MICAL3: variants seen among roughly 807,000 people sequenced by gnomAD.
The protein encoded by MICAL3 is microtubule associated monooxygenase, calponin and LIM domain containing 3, also known as [F-actin]-monooxygenase MICAL3.
MICAL3 carries 62 observed loss-of-function variants against 207.4 expected under a neutral mutation model. That is an observed-to-expected ratio of 0.30 (90% confidence interval 0.24 to 0.37). The LOEUF is 0.37. Ranked by LOEUF, MICAL3 falls within the 10% of genes least tolerant of loss-of-function variation. The pLI is 1.00. For synonymous variants in MICAL3, 1,077 were observed against 1,069.3 expected (o/e 1.01, Z -0.14); for missense variants, 2,368 against 2,635.6 (o/e 0.90, Z 2.22).
At chr22:17,861,299 G>T in intron 19 of MICAL3, 1 of 984,310 alleles carries the variant, frequency 1.0e-6, no homozygotes, top group Non-Finnish European at 1.2e-6. Flanking sequence ...ATCGGGCAAG[G>T]AATGTCTGGG....
intron 19 of MICAL3, among the ~76,000 whole-genome samples, chr22:17,851,946 C>T (rs1925383464): frequency 6.6e-6 from 1 of 152,168 alleles, no homozygotes; most frequent in African/African-American, 2.4e-5. Context: ...GGACATGGGT[C>T]AGCACGAGCA....
At chr22:17,960,750 CA>C (rs1335322121) in intron 1 of MICAL3, among the ~76,000 whole-genome samples, 2 of 152,058 alleles carry the variant, frequency 1.3e-5, no homozygotes, top group South Asian at 4.1e-4. Context: ...AGATTTGACC[CA>C]GGGGGGCCCG....
At chr22:17,915,082 G>A (rs1932395974) in intron 1 of MICAL3, among the ~76,000 whole-genome samples, 1 of 148,760 alleles carries the variant, frequency 6.7e-6, no homozygotes, top group African/African-American at 2.5e-5. Flanking sequence ...GAGGATGTGG[G>A]AAAACACAAC....
intron 17 of MICAL3, among the ~76,000 whole-genome samples, chr22:17,871,481 T>A (rs550289402): frequency 6.6e-6 from 1 of 152,230 alleles, no homozygotes; most frequent in African/African-American, 2.4e-5. Flanking sequence ...AATATGTGAC[T>A]TCTATGGATG....
Position 17,818,292 on chromosome 22 carries a change from A to AG in MICAL3, c.4368dup (p.Ser1457LeufsTer68). On this transcript the variant is annotated frameshift_variant, in exon 26 of 32. Coordinates refer to ENST00000441493, the MANE Select transcript of MICAL3 (RefSeq NM_015241.3). LOFTEE classifies it high-confidence loss of function. The stretch of plus-strand genomic sequence containing the variant: ...GGGGGTGGCGGTGGGGGCGGGCTGG[A>AG]GGGGGGCGTGAGCATGGCGGAGTCC... 2.2e-6 allele frequency: 1 copy of AG among 456,060 alleles called. No individual in the cohort carries two copies. The highest frequency in any genetic ancestry group is 3.6e-5 in the South Asian group (1 of 27,572). 28.3% of individuals were successfully genotyped at this position (456,060 alleles called of 1,614,324 possible).
At chr22:17,834,913 G>A (rs2146051422) in intron 20 of MICAL3, among the ~76,000 whole-genome samples, 1 of 152,308 alleles carries the variant, frequency 6.6e-6, no homozygotes, top group East Asian at 1.9e-4. Flanking sequence ...AATCTTCGCT[G>A]GGCCAAGGGA....
At chr22:17,873,765 C>A (rs746574540) in intron 16 of MICAL3, among the ~76,000 whole-genome samples, 23 of 152,388 alleles carry the variant, frequency 1.5e-4, no homozygotes, top group Non-Finnish European at 1.6e-4. Context: ...CTGCTCACAC[C>A]TAAGCTGGGT....
At chr22:17,950,566 A>G (rs947830062) in intron 1 of MICAL3, among the ~76,000 whole-genome samples, 3 of 151,670 alleles carry the variant, frequency 2.0e-5, no homozygotes, top group Admixed American at 2.0e-4. Flanking sequence ...TGAACTCCTG[A>G]CCTCAAGTGA....
chr22:17,927,860 T>C (rs1413802504), intron 1 of MICAL3, among the ~76,000 whole-genome samples: 1 of 152,018 alleles, frequency 6.6e-6, no homozygotes, highest in African/African-American at 2.4e-5. Context: ...TTACCTCTGT[T>C]CTCCAAGCAC....
intron 1 of MICAL3, among the ~76,000 whole-genome samples, chr22:17,969,742 T>C (rs1935316628): frequency 6.6e-6 from 1 of 152,246 alleles, no homozygotes; most frequent in Non-Finnish European, 1.5e-5. Flanking sequence ...CAGCCGATGC[T>C]GCTAGCCAGA....
At position 17,895,347 on chromosome 22, in the gene MICAL3, C is replaced by T. The variant is rs149256637; in HGVS notation, c.1386G>A (p.Gln462=). The T allele has an allele frequency of 1.0e-3, 1,641 of 1,613,786 alleles. 36 individuals carry two copies. The Admixed American group carries it at 0.026, about 25-fold the overall frequency. Residue 462 remains glutamine (Q), a synonymous_variant, in exon 10 of 32, where the codon CAG becomes CAA. Coordinates refer to ENST00000441493, the MANE Select transcript of MICAL3 (RefSeq NM_015241.3). ...ACCGAGTGACAGGGTCGATACTGTA[C>T]TGGCTGAAGTTCTTACTCACATTCT... ...TPENVSKNFS[Q]YSIDPVTRYP... is the part of the protein sequence containing the mutation.
chr22:17,825,484 G>GC (rs11483660), intron 22 of MICAL3, among the ~76,000 whole-genome samples: 23,699 of 151,958 alleles, frequency 0.16, 3,064 homozygotes, highest in African/African-American at 0.36. Flanking sequence ...TTGCCCCACC[G>GC]CCCTAGGGAC....
intron 9 of MICAL3, among the ~76,000 whole-genome samples, chr22:17,895,946 A>G (rs909362411): frequency 3.3e-5 from 5 of 152,194 alleles, no homozygotes; most frequent in Non-Finnish European, 7.3e-5. Context: ...TAGGGGTTTG[A>G]GAAACACTTA....
At chr22:17,812,256 C>G (rs146157337) in intron 27 of MICAL3, among the ~76,000 whole-genome samples, 1 of 152,250 alleles carries the variant, frequency 6.6e-6, no homozygotes, top group Non-Finnish European at 1.5e-5. Context: ...CCCACAGCGG[C>G]AGCTGTGTCC....
At chr22:17,803,996 A>G in intron 29 of MICAL3, 1 of 253,034 alleles carries the variant, frequency 4.0e-6, no homozygotes, top group Non-Finnish European at 6.2e-6. Context: ...GAGGCGGCAG[A>G]GGAACGGCTG....
chr22:17,985,339 A>C (rs12169946), intron 1 of MICAL3, among the ~76,000 whole-genome samples: 46 of 151,858 alleles, frequency 3.0e-4, no homozygotes, highest in African/African-American at 1.1e-3. Flanking sequence ...GACTTCCAAC[A>C]TGAACCGTGA....
chr22:17,859,407 T>C (rs926255726), intron 19 of MICAL3, among the ~76,000 whole-genome samples: 1 of 152,216 alleles, frequency 6.6e-6, no homozygotes, highest in African/African-American at 2.4e-5. Flanking sequence ...TGCCCTCTCT[T>C]GGGCCAATTC....
chr22:17,937,102 C>T lies in MICAL3; in HGVS notation c.-74-30216G>A, dbSNP rs545962364. Among the ~76,000 whole-genome samples, 16 of 152,322 alleles carry T rather than the reference C, an allele frequency of 1.1e-4. No homozygotes were observed. The East Asian group carries it at 2.9e-3, about 28-fold the overall frequency. On this transcript the variant is annotated intron_variant, in intron 1 of 31. Transcript: ENST00000441493. ...TGCTGATGTCTCTTCTTGACAGATA[C>T]AGAAACAGAAGTCAAGAGAGATGAA...
rs1922345529 is a variant in MICAL3 at position 17,827,634 on chromosome 22, G to C, written c.3193+10C>G. ...GGGGCACACTGCGGCCTGGGGCTGG[G>C]AGTGTTTACCTCCGGAAGCAGAGGA... On this transcript the variant is annotated intron_variant, in intron 22 of 31. Coordinates refer to ENST00000441493, the MANE Select transcript of MICAL3 (RefSeq NM_015241.3). 6.4e-7 allele frequency: 1 copy of C among 1,556,370 alleles called. No homozygotes were observed. Among genetic ancestry groups the C allele is most frequent in the Non-Finnish European group, 8.7e-7 (1 of 1,150,334 alleles).
Sources: gnomAD v4.1 joint callset for allele counts (sites outside exome capture counted in the v4.1 genomes callset) on GRCh38, gnomAD v4.1.1 for gene constraint, MANE v1.5 for transcripts, NCBI Gene and HGNC (gene_info 2026-07-23, HGNC 2026-07-21) for gene names.